Variants in UGT1A8 observed in about 807,000 individuals in gnomAD.
UGT1A8 encodes UDP glucuronosyltransferase family 1 member A8.
UGT1A8 carries 39 observed loss-of-function variants against 45.3 expected under a neutral mutation model. That is an observed-to-expected ratio of 0.86 (90% confidence interval 0.67 to 1.12). UGT1A8 has a LOEUF of 1.12. UGT1A8 is among the 50% of genes most tolerant of loss of function. UGT1A8 has a pLI of 0.00. For missense variants in UGT1A8, 719 were observed against 664.9 expected, an observed-to-expected ratio of 1.08 and a Z score of -0.90; for synonymous variants, 275 against 249.2, an observed-to-expected ratio of 1.10 and a Z score of -0.97.
rs773080052 is a variant in UGT1A8, at chr2:233,725,069, CGCAGGCACTCG to C, written c.856-41958_856-41948del. On this transcript the variant is annotated intron_variant, in intron 1 of 4. Coordinates refer to ENST00000373450, the MANE Select transcript of UGT1A8 (RefSeq NM_019076.5). ...AGGCGTGGCGGCGCGCGCCTGCAAT[CGCAGGCACTCG>C]GCAGGCTGAGGCAGGAGAATCAGGC... 5.1e-3 allele frequency among the ~76,000 whole-genome samples: 744 copies of C among 146,616 alleles called. 33 individuals carry two copies. The highest frequency in any genetic ancestry group is 8.3e-3 in the Non-Finnish European group (553 of 66,856).
At chr2:233,693,690 A>G in intron 1 of UGT1A8, 1 of 1,614,250 alleles carries the variant, frequency 6.2e-7, no homozygotes, top group Non-Finnish European at 8.5e-7. Flanking sequence ...TTTTCAAAGT[A>G]TGAAGAACTC....
At chr2:233,674,232 G>A (rs2074277572) in intron 1 of UGT1A8, among the ~76,000 whole-genome samples, 1 of 152,162 alleles carries the variant, frequency 6.6e-6, no homozygotes, top group Non-Finnish European at 1.5e-5. Flanking sequence ...ATGGGAAAGT[G>A]AAATAATGCT....
chr2:233,634,571 C>CT (rs1258132568), intron 1 of UGT1A8, among the ~76,000 whole-genome samples: 1 of 152,090 alleles, frequency 6.6e-6, no homozygotes, highest in Non-Finnish European at 1.5e-5. Flanking sequence ...CCTTCTTTGT[C>CT]TTTTTTGATC....
At chr2:233,738,160 TTCTC>T (rs1212480209) in intron 1 of UGT1A8, among the ~76,000 whole-genome samples, 1 of 152,184 alleles carries the variant, frequency 6.6e-6, no homozygotes, top group Non-Finnish European at 1.5e-5. Context: ...CTATTCCTCT[TTCTC>T]TCTTTCATGT....
chr2:233,760,713 A>G (rs1697537023), intron 1 of UGT1A8: 3 of 1,614,082 alleles, frequency 1.9e-6, no homozygotes, highest in African/African-American at 2.7e-5. Context: ...CCCTGGCAGA[A>G]AGCAGCTTTG....
At chr2:233,725,087 T>C (rs1168031372) in intron 1 of UGT1A8, among the ~76,000 whole-genome samples, 1 of 144,724 alleles carries the variant, frequency 6.9e-6, no homozygotes, top group Non-Finnish European at 1.5e-5. Flanking sequence ...CTCGGCAGGC[T>C]GAGGCAGGAG....
chr2:233,729,217 GT>G, intron 1 of UGT1A8: 1 of 1,614,140 alleles, frequency 6.2e-7, no homozygotes, highest in Non-Finnish European at 8.5e-7. Context: ...GAGTGGAAAG[GT>G]GTTGGTGGTG....
In UGT1A8 at chr2:233,768,557, A is replaced by G. The variant is rs28946891; in HGVS notation, c.1295+118A>G. 5 of 1,466,482 alleles carry G rather than the reference A, an allele frequency of 3.4e-6. No individual in the cohort carries two copies. The African/African-American group carries it at 7.2e-5, about 21-fold the overall frequency. 90.8% of individuals were successfully genotyped at this position (1,466,482 alleles called of 1,614,324 possible). On this transcript the variant is annotated intron_variant, in intron 4 of 4. Coordinates refer to ENST00000373450, the MANE Select transcript of UGT1A8 (RefSeq NM_019076.5). ...TTGTTTCAAATATAAAAACAAATAC[A>G]TAAAAATCTGGATTTTTATTTCTTC... is the stretch of plus-strand genomic sequence containing the variant.
At chr2:233,724,315 G>T (rs1179998085) in intron 1 of UGT1A8, among the ~76,000 whole-genome samples, 3 of 148,806 alleles carry the variant, frequency 2.0e-5, no homozygotes, top group African/African-American at 5.0e-5. Context: ...CTCCCGGACG[G>T]GGCGGCTGGC....
intron 1 of UGT1A8, among the ~76,000 whole-genome samples, chr2:233,727,362 C>G (rs1360836232): frequency 6.6e-6 from 1 of 152,136 alleles, no homozygotes; most frequent in Admixed American, 6.5e-5. Context: ...ATCCTTAGGG[C>G]CCCTAGGTCT....
chr2:233,731,132 CTA>C (rs1206897988), intron 1 of UGT1A8, among the ~76,000 whole-genome samples: 3 of 152,006 alleles, frequency 2.0e-5, no homozygotes, highest in African/African-American at 7.3e-5. Flanking sequence ...GCAAAAGACT[CTA>C]AGCTTCATTT....
chr2:233,646,271 C>T (rs929287730), intron 1 of UGT1A8, among the ~76,000 whole-genome samples: 19 of 152,164 alleles, frequency 1.2e-4, no homozygotes, highest in Non-Finnish European at 4.4e-5. Flanking sequence ...GGCCTCCAGG[C>T]CTGTGATGGG....
chr2:233,753,244 G>A (rs1445000409), intron 1 of UGT1A8: 1 of 152,136 alleles, frequency 6.6e-6, no homozygotes, highest in Non-Finnish European at 1.5e-5. Flanking sequence ...TATTATTTAA[G>A]AAGCAACTAC....
rs62192811 is a variant in UGT1A8 at position 233,630,451 on chromosome 2, T to G, written c.855+11889T>G. 1.7e-3 allele frequency among the ~76,000 whole-genome samples: 254 copies of G among 152,280 alleles called. 3 individuals carry two copies. Among genetic ancestry groups the G allele is most frequent in the Non-Finnish European group, 2.3e-3 (159 of 67,998 alleles). ...ACCTGCAGAATATAATTCTGTCCAG[T>G]GCAACAAATATTCTGGTTGATTTTC... On this transcript the variant is annotated intron_variant, in intron 1 of 4. Transcript: ENST00000373450.
intron 1 of UGT1A8, among the ~76,000 whole-genome samples, chr2:233,664,703 C>T (rs1341231532): frequency 1.3e-5 from 2 of 152,188 alleles, no homozygotes; most frequent in South Asian, 2.1e-4. Context: ...AGGGATCCAC[C>T]CCCATGATCC....
intron 1 of UGT1A8, among the ~76,000 whole-genome samples, chr2:233,695,289 C>A (rs1480722237): frequency 6.6e-6 from 1 of 151,960 alleles, no homozygotes; most frequent in Non-Finnish European, 1.5e-5. Context: ...CCATTCCCAG[C>A]TAATTTTTGC....
At chr2:233,747,184 G>A in intron 1 of UGT1A8, 1 of 1,602,858 alleles carries the variant, frequency 6.2e-7, no homozygotes, top group Non-Finnish European at 8.5e-7. Flanking sequence ...GCGTGGGGTG[G>A]ACAGTCAGCT....
chr2:233,673,534 G>A (rs376384747), intron 1 of UGT1A8, among the ~76,000 whole-genome samples: 169 of 152,238 alleles, frequency 1.1e-3, no homozygotes, highest in African/African-American at 3.9e-3. Context: ...GGATTTCCAT[G>A]AATTGAGAAG....
intron 1 of UGT1A8, chr2:233,713,468 G>A (rs1235260957): frequency 8.1e-6 from 13 of 1,613,904 alleles, no homozygotes; most frequent in East Asian, 4.5e-5. Context: ...TCTGCGCGGC[G>A]GTGCTGGCTA....
Sources: allele counts gnomAD v4.1 joint callset (sites outside exome capture counted in the v4.1 genomes callset), GRCh38; gene constraint gnomAD v4.1.1; transcripts MANE v1.5; gene names NCBI Gene and HGNC (gene_info 2026-07-23, HGNC 2026-07-21).